XPNPEP2: variants seen among roughly 807,000 people sequenced by gnomAD.
XPNPEP2 encodes the protein X-prolyl aminopeptidase 2, also known as xaa-Pro aminopeptidase 2.
XPNPEP2 carries 64 observed loss-of-function variants against 59.8 expected under a neutral mutation model. The observed-to-expected ratio is 1.07, with a 90% CI of 0.87 to 1.32. The LOEUF (loss-of-function observed/expected upper bound fraction) is 1.32, where lower values mean the gene tolerates loss of function less well. XPNPEP2 is among the 40% of genes most tolerant of loss of function. The pLI, the probability that XPNPEP2 is intolerant of heterozygous loss-of-function variation, is 0.00. For missense variants in XPNPEP2, 575 were observed against 546.8 expected, an observed-to-expected ratio of 1.05 and a Z score of -0.51; for synonymous variants, 235 against 210.0, an observed-to-expected ratio of 1.12 and a Z score of -1.03.
intron 14 of XPNPEP2, among the ~76,000 whole-genome samples, chrX:129,756,864 C>T (rs1296493481): frequency 2.8e-5 from 3 of 106,907 alleles, no homozygotes; most frequent in Admixed American, 1.0e-4. Context: ...CAGAGTCTCA[C>T]TCTGTCGCCC....
intron 10 of XPNPEP2, 71 bp downstream of exon 10, chrX:129,752,416 A>G: frequency 7.5e-6 from 8 of 1,067,378 alleles, no homozygotes; most frequent in Non-Finnish European, 1.0e-5. Context: ...CTTAACCTAA[A>G]GTGAGGTGAA....
chrX:129,767,596 C>G lies in XPNPEP2; in HGVS notation c.1741-7C>G, dbSNP rs201913178. 1 of 1,210,848 alleles carries G rather than the reference C, an allele frequency of 8.3e-7. No individual in the cohort carries two copies. On this transcript the variant is annotated splice_region_variant and splice_polypyrimidine_tract_variant and intron_variant, in intron 19 of 20. Transcript: ENST00000371106. ...CTGCTTACCCGGCTTCTATTCTGGGCTCCCAGTACCCAGGGAGCTACCTGA... is the reference window on the plus strand; with the variant it reads ...CTGCTTACCCGGCTTCTATTCTGGGGTCCCAGTACCCAGGGAGCTACCTGA...
In XPNPEP2 at chrX:129,745,215, G is replaced by C; in HGVS notation, c.247G>C (p.Gly83Arg). The change falls in exon 4 of 21, where the codon GGC (glycine) becomes CGC (arginine). Residue 83 changes from glycine to arginine, a missense_variant. Physicochemically the swap from Gly to Arg is moderately radical, Grantham distance 125 (BLOSUM62 -2). Transcript: ENST00000371106. ...GTDAHMNEYI[G>R]QHDERRAWIT... Reference sequence around the variant, plus strand: ...GTTGATTTCCTAGAACGAGTACATCGGCCAACATGACGAGAGGCGTGCGTG... The same window carrying C: ...GTTGATTTCCTAGAACGAGTACATCCGCCAACATGACGAGAGGCGTGCGTG... 8.3e-7 allele frequency: 1 copy of C among 1,211,403 alleles called. No homozygotes were observed. The highest frequency in any genetic ancestry group is 1.1e-6 in the Non-Finnish European group (1 of 895,440).
intron 19 of XPNPEP2, among the ~76,000 whole-genome samples, chrX:129,763,922 G>C (rs751037818): frequency 2.7e-5 from 3 of 109,949 alleles, no homozygotes; most frequent in Non-Finnish European, 5.7e-5. Context: ...TAATCATTTG[G>C]GGGGATTAAA....
intron 13 of XPNPEP2, 38 bp downstream of exon 13, chrX:129,755,409 G>C: frequency 8.6e-7 from 1 of 1,161,660 alleles, no homozygotes; most frequent in South Asian, 1.8e-5. Flanking sequence ...GCCCTGTTGG[G>C]GCATCCTGTT....
intron 19 of XPNPEP2, among the ~76,000 whole-genome samples, chrX:129,766,324 C>T (rs748911276): frequency 9.8e-5 from 11 of 111,756 alleles, no homozygotes; most frequent in African/African-American, 1.3e-4. Context: ...TTCAGCCTCC[C>T]GAGTAGCTGG....
chrX:129,746,747 A>T (rs757352241), intron 6 of XPNPEP2, 66 bp downstream of exon 6: 16 of 1,015,636 alleles, frequency 1.6e-5, no homozygotes, highest in South Asian at 7.7e-5. Context: ...TCCCTAGGAT[A>T]TAAAGAAATG....
Position 129,757,861 on chromosome X carries a change from G to GAA in XPNPEP2, c.1367+1306_1367+1307insAA, listed in dbSNP as rs1926567227. ...AAAGAAAGAAAGAAAGAAAGAAAGA[G>GAA]GGAGAGAGAGAAAGAGAGAGAGAGA... On this transcript the variant is annotated intron_variant, in intron 14 of 20. Coordinates refer to ENST00000371106, the MANE Select transcript of XPNPEP2 (RefSeq NM_003399.6). Among the ~76,000 whole-genome samples the GAA allele has an allele frequency of 1.4e-4, 7 of 50,079 alleles. No individual in the cohort carries two copies. In the Admixed American group the frequency reaches 1.6e-3, roughly 11 times the overall value. 43.5% of individuals were successfully genotyped at this position (50,079 alleles called of 115,157 possible).
chrX:129,741,647 G>C (rs1470372560), intron 1 of XPNPEP2, among the ~76,000 whole-genome samples: 1 of 112,302 alleles, frequency 8.9e-6, no homozygotes, highest in African/African-American at 3.2e-5. Context: ...GTAAGAAACA[G>C]TGCAAGCAGG....
Position 129,742,098 on chromosome X carries a change from C to T in XPNPEP2, c.50-10C>T, listed in dbSNP as rs193188956. Reference sequence around the variant, plus strand: ...CCCAAATGACCCTGGATTTTTCTCCCGGCTTCTAGCTTGTGCCTGGGGCCA... The same window carrying T: ...CCCAAATGACCCTGGATTTTTCTCCTGGCTTCTAGCTTGTGCCTGGGGCCA... On this transcript the variant is annotated splice_polypyrimidine_tract_variant and intron_variant, in intron 1 of 20. Transcript: ENST00000371106. The T allele has an allele frequency of 2.6e-4, 315 of 1,206,206 alleles. No individual in the cohort carries two copies. The African/African-American group carries it at 3.3e-3, about 13-fold the overall frequency.
chrX:129,750,531 C>G lies in XPNPEP2; in HGVS notation c.701C>G (p.Pro234Arg). 1 of 1,193,612 alleles carries G rather than the reference C, an allele frequency of 8.4e-7. No homozygotes were observed. The highest frequency in any genetic ancestry group is 1.1e-6 in the Non-Finnish European group (1 of 886,773). ...RSQMQKHQKV[P>R]TAVLLSALEE... ...CAGATGCAGAAGCATCAAAAGGTCCCGACTGCCGTCCTTCTGTCGGCGCTT... is the reference window on the plus strand; with the variant it reads ...CAGATGCAGAAGCATCAAAAGGTCCGGACTGCCGTCCTTCTGTCGGCGCTT... The change falls in exon 8 of 21, where the codon CCG (proline) becomes CGG (arginine). Residue 234 changes from proline to arginine, a missense_variant. Physicochemically the swap from Pro to Arg is moderately radical, Grantham distance 103. Transcript: ENST00000371106.
intron 2 of XPNPEP2, 52 bp downstream of exon 2, chrX:129,742,233 C>A: frequency 1.5e-6 from 1 of 689,302 alleles, no homozygotes; most frequent in Non-Finnish European, 2.1e-6. Flanking sequence ...ACGCACCCCC[C>A]CACCCCTGCC....
chrX:129,767,982 T>G (rs1007179652), intron 20 of XPNPEP2, among the ~76,000 whole-genome samples: 1 of 111,883 alleles, frequency 8.9e-6, no homozygotes, highest in Non-Finnish European at 1.9e-5. Flanking sequence ...ATCCCTTCTA[T>G]TCTTTTGCCT....
rs1799537929 is a variant in XPNPEP2, at chrX:129,761,162, T to A, written c.1499-10T>A. ...CCATCTGACTGGGGTCAATCTCTCT[T>A]CCCTTCCAGGGCGAATGGTGGAGGC... On this transcript the variant is annotated splice_polypyrimidine_tract_variant and intron_variant, in intron 16 of 20. Coordinates refer to ENST00000371106, the MANE Select transcript of XPNPEP2 (RefSeq NM_003399.6). 1.1e-5 allele frequency: 13 copies of A among 1,209,308 alleles called. No homozygotes were observed. The highest frequency in any genetic ancestry group is 1.5e-5 in the Non-Finnish European group (13 of 893,510).
chrX:129,743,460 T>G (rs1389337380), intron 2 of XPNPEP2, among the ~76,000 whole-genome samples: 1 of 112,661 alleles, frequency 8.9e-6, no homozygotes, highest in East Asian at 2.8e-4. Context: ...AGATAACAAA[T>G]AAGAATTTAG....
intron 7 of XPNPEP2, among the ~76,000 whole-genome samples, chrX:129,749,910 A>G (rs1399408225): frequency 1.8e-5 from 2 of 112,578 alleles, no homozygotes; most frequent in African/African-American, 6.5e-5. Flanking sequence ...TATCTGTAAA[A>G]TGGGATGGGT....
At chrX:129,764,572 T>A (rs187175875) in intron 19 of XPNPEP2, among the ~76,000 whole-genome samples, 241 of 108,940 alleles carry the variant, frequency 2.2e-3, no homozygotes, top group African/African-American at 7.2e-3. Flanking sequence ...GGAGAATCAC[T>A]TGAACCTGGG....
intron 14 of XPNPEP2, among the ~76,000 whole-genome samples, chrX:129,757,890 AGAG>A (rs1926574643): frequency 4.2e-5 from 3 of 71,313 alleles, no homozygotes; most frequent in Admixed American, 2.0e-4. Flanking sequence ...AGAGAGAGAG[AGAG>A]AGAAAGAAAG....
chrX:129,739,006 C>T lies in XPNPEP2; in HGVS notation c.-208C>T, dbSNP rs751303964. On this transcript the variant is annotated 5_prime_UTR_variant, in exon 1 of 21. Transcript: ENST00000371106. ...AGTCCGCCTCGGGCAGCCCAAAGCT[C>T]CTCTGCCCACCCTGGCTCCCAGAGC... 5 of 441,282 alleles carry T rather than the reference C, an allele frequency of 1.1e-5. No individual in the cohort carries two copies. The highest frequency in any genetic ancestry group is 3.9e-6 in the Non-Finnish European group (1 of 254,941). The allele number at this position is 441,282 out of a possible 1,213,427, so 36.4% of individuals were successfully genotyped here.
Sources: allele counts gnomAD v4.1 joint callset (sites outside exome capture counted in the v4.1 genomes callset), GRCh38; gene constraint gnomAD v4.1.1; transcripts MANE v1.5; gene names NCBI Gene and HGNC (gene_info 2026-07-23, HGNC 2026-07-21).